FER: variants seen among roughly 807,000 people sequenced by gnomAD.
The protein encoded by FER is FER tyrosine kinase.
Under a neutral mutation model 111.0 loss-of-function variants are expected in FER, and 63 were observed. The observed-to-expected ratio is 0.57, with a 90% CI of 0.46 to 0.70. The LOEUF is 0.70. Among genes scored for constraint, FER ranks in the 30% least tolerant of loss-of-function variants. The pLI is 0.00. For missense variants in FER, 914 were observed against 954.0 expected (o/e 0.96, Z 0.55); for synonymous variants, 327 against 313.9 (o/e 1.04, Z -0.44).
intron 10 of FER, among the ~76,000 whole-genome samples, chr5:108,944,878 T>C (rs546768467): frequency 7.6e-6 from 1 of 130,730 alleles, no homozygotes; most frequent in Admixed American, 7.6e-5. Flanking sequence ...TTGTATCCTG[T>C]CTAACACACA....
At chr5:108,893,712 A>G (rs35464106) in intron 9 of FER, among the ~76,000 whole-genome samples, 44,864 of 151,904 alleles carry the variant, frequency 0.3, 6,940 homozygotes, top group African/African-American at 0.35. Context: ...GCAACAAGAC[A>G]AAAGGCAACT....
chr5:109,005,255 C>T (rs1038474235), intron 13 of FER, among the ~76,000 whole-genome samples: 1 of 151,880 alleles, frequency 6.6e-6, no homozygotes, highest in African/African-American at 2.4e-5. Context: ...CAAGACAGTC[C>T]TCAAGTGAAG....
At chr5:108,942,052 C>T (rs1264289796) in intron 10 of FER, among the ~76,000 whole-genome samples, 2 of 152,052 alleles carry the variant, frequency 1.3e-5, no homozygotes, top group Non-Finnish European at 2.9e-5. Context: ...TCCATTCCTT[C>T]CTCCTGCTTA....
intron 10 of FER, among the ~76,000 whole-genome samples, chr5:108,916,027 A>G (rs1054096241): frequency 6.6e-6 from 1 of 152,090 alleles, no homozygotes; most frequent in African/African-American, 2.4e-5. Context: ...ATTTTTATTG[A>G]CTACTGACTT....
At position 108,930,397 on chromosome 5, in the gene FER, T is replaced by C. The variant is rs1482041760; in HGVS notation, c.1237-15733T>C. 9.1e-3 allele frequency among the ~76,000 whole-genome samples: 5 copies of C among 552 alleles called. 1 individual carries two copies. The highest frequency in any genetic ancestry group is 0.062 in the Admixed American group (2 of 32). The allele number at this position is 552 out of a possible 152,430, so 0.4% of individuals were successfully genotyped here. ...TTCCCCTCCCCTCCCCTTCTCCTCCTCTCCCCTTCTTTTTTCCTCCCCTCC... is the reference window on the plus strand; with the variant it reads ...TTCCCCTCCCCTCCCCTTCTCCTCCCCTCCCCTTCTTTTTTCCTCCCCTCC... On this transcript the variant is annotated intron_variant, in intron 10 of 19. Coordinates refer to ENST00000281092, the MANE Select transcript of FER (RefSeq NM_005246.4).
At chr5:108,996,745 C>T (rs987884154) in intron 13 of FER, among the ~76,000 whole-genome samples, 1 of 152,136 alleles carries the variant, frequency 6.6e-6, no homozygotes, top group Non-Finnish European at 1.5e-5. Flanking sequence ...GCTGTGTGGG[C>T]TCTTTTTTTG....
At chr5:109,061,420 T>C (rs1158419784) in intron 16 of FER, among the ~76,000 whole-genome samples, 4 of 152,184 alleles carry the variant, frequency 2.6e-5, no homozygotes, top group Admixed American at 2.0e-4. Context: ...CTACTAGAAG[T>C]TATTATTTCC....
chr5:108,869,666 A>T (rs983665133), intron 6 of FER, among the ~76,000 whole-genome samples: 1 of 152,128 alleles, frequency 6.6e-6, no homozygotes, highest in Non-Finnish European at 1.5e-5. Context: ...ATAACTAGCT[A>T]TCATTGTGTT....
At chr5:108,790,417 C>A (rs1226977063) in intron 2 of FER, among the ~76,000 whole-genome samples, 1 of 152,088 alleles carries the variant, frequency 6.6e-6, no homozygotes, top group Non-Finnish European at 1.5e-5. Context: ...GCTGAATTAA[C>A]AAGAAATTCA....
At chr5:108,893,720 A>G (rs1402175506) in intron 9 of FER, among the ~76,000 whole-genome samples, 1 of 152,098 alleles carries the variant, frequency 6.6e-6, no homozygotes, top group African/African-American at 2.4e-5. Context: ...ACAAAAGGCA[A>G]CTGTGTGGGG....
intron 13 of FER, among the ~76,000 whole-genome samples, chr5:109,024,062 C>T (rs1768316722): frequency 6.6e-6 from 1 of 152,108 alleles, no homozygotes. Context: ...GAAGCTGAGA[C>T]TGAAAGAGGC....
intron 4 of FER, among the ~76,000 whole-genome samples, chr5:108,835,487 T>A (rs1760557994): frequency 6.6e-6 from 1 of 152,082 alleles, no homozygotes; most frequent in South Asian, 2.1e-4. Context: ...CTGGCCTGAT[T>A]TGCTATTCTC....
At chr5:109,111,779 T>C (rs1341983278) in intron 17 of FER, among the ~76,000 whole-genome samples, 1 of 152,044 alleles carries the variant, frequency 6.6e-6, no homozygotes, top group African/African-American at 2.4e-5. Context: ...CTCACTATCA[T>C]GAGAACAGCA....
chr5:109,193,594 C>T lies in FER; in HGVS notation c.*6019C>T, dbSNP rs899547496. On this transcript the variant is annotated 3_prime_UTR_variant, in exon 20 of 20. Transcript: ENST00000281092. ...TGCTGGAAGTGGAATGTTATGTTTTCGCTCAGCTGTATTCATTCAGAAAGT... is the reference window on the plus strand; with the variant it reads ...TGCTGGAAGTGGAATGTTATGTTTTTGCTCAGCTGTATTCATTCAGAAAGT... 2.6e-5 allele frequency: 4 copies of T among 152,174 alleles called. No individual in the cohort carries two copies. Among genetic ancestry groups the T allele is most frequent in the South Asian group, 2.1e-4 (1 of 4,826 alleles). The allele number at this position is 152,174 out of a possible 1,614,324, so 9.4% of individuals were successfully genotyped here. A position where few individuals can be genotyped will look rare whatever the true frequency, so the allele number is the denominator to read the frequency against.
intron 13 of FER, among the ~76,000 whole-genome samples, chr5:108,996,330 T>A (rs1353748781): frequency 6.6e-6 from 1 of 152,196 alleles, no homozygotes; most frequent in African/African-American, 2.4e-5. Flanking sequence ...TCCTGAAGTC[T>A]TTGCCCATGC....
intron 10 of FER, among the ~76,000 whole-genome samples, chr5:108,927,555 G>A (rs1050610711): frequency 6.6e-6 from 1 of 151,990 alleles, no homozygotes; most frequent in Non-Finnish European, 1.5e-5. Context: ...CATCGCGCCC[G>A]GCGAGAAGTG....
At chr5:109,018,950 C>G (rs1334776144) in intron 13 of FER, among the ~76,000 whole-genome samples, 1 of 151,454 alleles carries the variant, frequency 6.6e-6, no homozygotes, top group Non-Finnish European at 1.5e-5. Flanking sequence ...TTTGAGAATT[C>G]ACTTAGGTAA....
chr5:109,178,559 G>A (rs1462039588), intron 17 of FER, among the ~76,000 whole-genome samples: 1 of 152,196 alleles, frequency 6.6e-6, no homozygotes, highest in Non-Finnish European at 1.5e-5. Context: ...CCACTGACTA[G>A]AGTTGGGAGG....
chr5:108,967,953 C>T (rs1221883845), intron 13 of FER, among the ~76,000 whole-genome samples: 2 of 151,934 alleles, frequency 1.3e-5, no homozygotes, highest in African/African-American at 4.9e-5. Flanking sequence ...TCACTGGGGA[C>T]CTGCCCCTAT....
Sources: gnomAD v4.1 joint callset for allele counts (sites outside exome capture counted in the v4.1 genomes callset) on GRCh38, gnomAD v4.1.1 for gene constraint, MANE v1.5 for transcripts, NCBI Gene and HGNC (gene_info 2026-07-23, HGNC 2026-07-21) for gene names.